Variants in EDAR observed in about 807,000 individuals in gnomAD.
EDAR encodes tumor necrosis factor receptor superfamily member EDAR.
EDAR carries 38 observed loss-of-function variants against 51.3 expected under a neutral mutation model. That is an observed-to-expected ratio of 0.74 (90% CI 0.57 to 0.97). EDAR has a LOEUF of 0.97. Among genes scored for constraint, EDAR ranks in the 50% least tolerant of loss-of-function variants. The pLI is 0.00. For missense variants in EDAR, 528 were observed against 595.0 expected, an observed-to-expected ratio of 0.89 and a Z score of 1.17; for synonymous variants, 227 against 242.1, an observed-to-expected ratio of 0.94 and a Z score of 0.58.
chr2:108,943,735 G>T (rs1001398412), intron 1 of EDAR, among the ~76,000 whole-genome samples: 4 of 152,156 alleles, frequency 2.6e-5, no homozygotes, highest in African/African-American at 9.7e-5. Context: ...TCTCCAGTTT[G>T]GGGGAGATGA....
chr2:108,934,470 C>T (rs1413282333), intron 1 of EDAR, among the ~76,000 whole-genome samples: 4 of 152,202 alleles, frequency 2.6e-5, no homozygotes, highest in African/African-American at 9.6e-5. Flanking sequence ...GCACACTGAG[C>T]TCCCATATTT....
chr2:108,968,640 G>A (rs1698187875), intron 1 of EDAR, among the ~76,000 whole-genome samples: 1 of 152,236 alleles, frequency 6.6e-6, no homozygotes, highest in Non-Finnish European at 1.5e-5. Context: ...AGCTACCAGG[G>A]AAGAAGTGAG....
chr2:108,974,192 T>C (rs1002533452), intron 1 of EDAR, among the ~76,000 whole-genome samples: 1 of 150,506 alleles, frequency 6.6e-6, no homozygotes, highest in African/African-American at 2.4e-5. Context: ...TAGCTGGGCG[T>C]GGTGGCAGGC....
intron 1 of EDAR, among the ~76,000 whole-genome samples, chr2:108,936,236 C>G (rs991664291): frequency 6.6e-6 from 1 of 152,256 alleles, no homozygotes; most frequent in African/African-American, 2.4e-5. Context: ...CTTGGCAGGC[C>G]TGATGGTTCG....
chr2:108,930,605 G>A (rs1697350499), intron 2 of EDAR, among the ~76,000 whole-genome samples: 1 of 152,098 alleles, frequency 6.6e-6, no homozygotes, highest in African/African-American at 2.4e-5. Flanking sequence ...CAGAACACCG[G>A]CGTGTCCAGG....
intron 5 of EDAR, among the ~76,000 whole-genome samples, chr2:108,921,877 T>G (rs1343390288): frequency 6.6e-6 from 1 of 152,276 alleles, no homozygotes; most frequent in East Asian, 1.9e-4. Flanking sequence ...GGACTGTCTA[T>G]TTCTCTGCTG....
At chr2:108,966,471 G>C (rs879775532) in intron 1 of EDAR, among the ~76,000 whole-genome samples, 1 of 152,174 alleles carries the variant, frequency 6.6e-6, no homozygotes, top group East Asian at 1.9e-4. Flanking sequence ...CTCATCTCGC[G>C]GGCCCCGGTG....
At chr2:108,926,223 A>G (rs1231929596) in intron 4 of EDAR, among the ~76,000 whole-genome samples, 1 of 152,152 alleles carries the variant, frequency 6.6e-6, no homozygotes. Flanking sequence ...TGGCCCAGCT[A>G]CAGAGTGTCC....
chr2:108,905,284 T>A (rs1696779290), intron 11 of EDAR, among the ~76,000 whole-genome samples: 2 of 152,106 alleles, frequency 1.3e-5, no homozygotes, highest in South Asian at 4.2e-4. Context: ...AGAGAAGAGC[T>A]TCCTGGTGGA....
chr2:108,928,237 G>A (rs916651417), intron 4 of EDAR, among the ~76,000 whole-genome samples: 7 of 152,126 alleles, frequency 4.6e-5, no homozygotes, highest in East Asian at 1.9e-4. Context: ...GAACTCTGGC[G>A]TCGGCATCTC....
At chr2:108,913,621 TATAA>T (rs1392007396) in intron 5 of EDAR, among the ~76,000 whole-genome samples, 1 of 152,090 alleles carries the variant, frequency 6.6e-6, no homozygotes, top group Non-Finnish European at 1.5e-5. Context: ...GATTTATACA[TATAA>T]ATATTGTTGT....
intron 1 of EDAR, among the ~76,000 whole-genome samples, chr2:108,960,123 C>G (rs1215955341): frequency 6.6e-6 from 1 of 152,172 alleles, no homozygotes; most frequent in Non-Finnish European, 1.5e-5. Flanking sequence ...ACTGATAGTA[C>G]AGGGTGCTAA....
rs1696620613 is a variant in EDAR at position 108,897,379 on chromosome 2, T to A, written c.1025-150A>T. ...CAGAAAGCCACCTAAAACAAATGCATAACTTAAGGCAAACGACACCTAGAA... is the reference window on the plus strand; with the variant it reads ...CAGAAAGCCACCTAAAACAAATGCAAAACTTAAGGCAAACGACACCTAGAA... On this transcript the variant is annotated intron_variant, in intron 11 of 11. Transcript: ENST00000258443. 3.9e-6 allele frequency: 3 copies of A among 772,094 alleles called. No homozygotes were observed. The South Asian group carries it at 5.3e-5, about 14-fold the overall frequency. The allele number at this position is 772,094 out of a possible 1,614,324, so 47.8% of individuals were successfully genotyped here.
chr2:108,898,798 G>A (rs771826250), intron 11 of EDAR, among the ~76,000 whole-genome samples: 15 of 152,156 alleles, frequency 9.9e-5, no homozygotes, highest in Non-Finnish European at 2.1e-4. Context: ...ACAATAAAAA[G>A]CTCAGTAGAT....
Position 108,937,902 on chromosome 2 carries a change from T to C in EDAR, c.-18-6870A>G, listed in dbSNP as rs187937384. ...CCTTCCCAAAAGACGTGGACAGAGG[T>C]AGGTTTGAGTTGAAAGTTTAAAATC... On this transcript the variant is annotated intron_variant, in intron 1 of 11. Transcript: ENST00000258443. 6.1e-4 allele frequency among the ~76,000 whole-genome samples: 93 copies of C among 152,226 alleles called. No homozygotes were observed. In the Middle Eastern group the frequency reaches 0.014, roughly 22 times the overall value.
intron 1 of EDAR, among the ~76,000 whole-genome samples, chr2:108,942,800 G>A (rs1697632876): frequency 1.3e-5 from 2 of 152,240 alleles, no homozygotes; most frequent in Non-Finnish European, 2.9e-5. Flanking sequence ...AGGAGGAGGC[G>A]CGCTAAGAAA....
chr2:108,912,798 G>C, intron 5 of EDAR, 34 bp from the exon 6 acceptor site: 1 of 1,535,218 alleles, frequency 6.5e-7, no homozygotes, highest in East Asian at 2.4e-5. Context: ...AAATGATCCA[G>C]AGAAGCTCCA....
chr2:108,963,530 C>T (rs1698093524), intron 1 of EDAR, among the ~76,000 whole-genome samples: 1 of 152,128 alleles, frequency 6.6e-6, no homozygotes, highest in South Asian at 2.1e-4. Flanking sequence ...ATGGTTTCGT[C>T]TGGTAAAATT....
At chr2:108,909,438 A>G (rs2105397677) in intron 9 of EDAR, among the ~76,000 whole-genome samples, 1 of 9,850 alleles carries the variant, frequency 1.0e-4, no homozygotes, top group Non-Finnish European at 2.1e-4. Flanking sequence ...ATGGCTTTGC[A>G]AGGTGAATCA....
Sources: gnomAD v4.1 joint callset for allele counts (sites outside exome capture counted in the v4.1 genomes callset) on GRCh38, gnomAD v4.1.1 for gene constraint, MANE v1.5 for transcripts, NCBI Gene and HGNC (gene_info 2026-07-23, HGNC 2026-07-21) for gene names.